Variants in PHLPP1 observed in about 807,000 individuals in gnomAD.
PHLPP1 encodes the protein PH domain leucine-rich repeat-containing protein phosphatase 1.
PHLPP1 carries 42 observed loss-of-function variants against 117.2 expected under a neutral mutation model. The observed-to-expected ratio is 0.36, with a 90% confidence interval of 0.28 to 0.46. The LOEUF is 0.46. Among genes scored for constraint, PHLPP1 ranks in the 20% least tolerant of loss-of-function variants. The pLI is 1.00. For synonymous variants in PHLPP1, 1,042 were observed against 970.7 expected (o/e 1.07, Z -1.37); for missense variants, 2,084 against 2,241.9 (o/e 0.93, Z 1.42).
chr18:62,742,496 C>T (rs766938897), intron 1 of PHLPP1, among the ~76,000 whole-genome samples: 4 of 151,906 alleles, frequency 2.6e-5, no homozygotes, highest in South Asian at 2.1e-4. Flanking sequence ...GCCTGAGTGG[C>T]GCTATCTTGG....
chr18:62,822,728 G>A (rs754277915), intron 1 of PHLPP1, among the ~76,000 whole-genome samples: 23 of 152,298 alleles, frequency 1.5e-4, no homozygotes, highest in Admixed American at 5.9e-4. Flanking sequence ...GATTGTAACT[G>A]TGCTTTTTTA....
chr18:62,715,687 G>A lies in PHLPP1; in HGVS notation c.4G>A (p.Glu2Lys). Residue 2 changes from glutamate (E) to lysine (K), a missense_variant, in exon 1 of 17, where the codon GAG (glutamate) becomes AAG (lysine). Glu to Lys is a moderately conservative substitution (Grantham distance 56). Coordinates refer to ENST00000262719, the MANE Select transcript of PHLPP1 (RefSeq NM_194449.4). ...GGAAACGCGAAGCCCCACTGCAATG[G>A]AGCCCGCCGCCGCGGCCACGGTACA... is the stretch of plus-strand genomic sequence containing the variant. Reference protein sequence around the residue: MEPAAAATVQRL... With the variant: MKPAAAATVQRL... 7.7e-7 allele frequency: 1 copy of A among 1,290,730 alleles called. No individual in the cohort carries two copies. The highest frequency in any genetic ancestry group is 9.8e-7 in the Non-Finnish European group (1 of 1,016,762). The allele number at this position is 1,290,730 out of a possible 1,614,324, so 80.0% of individuals were successfully genotyped here.
intron 1 of PHLPP1, among the ~76,000 whole-genome samples, chr18:62,772,950 C>T (rs900814686): frequency 1.3e-5 from 2 of 151,292 alleles, no homozygotes; most frequent in East Asian, 3.9e-4. Flanking sequence ...AAAAGAATTC[C>T]TCTCCCACCC....
Position 62,944,990 on chromosome 18 carries a change from T to C in PHLPP1, c.3162-119T>C, listed in dbSNP as rs1910235849. 7 of 712,102 alleles carry C rather than the reference T, an allele frequency of 9.8e-6. No homozygotes were observed. In the East Asian group the frequency reaches 2.2e-4, roughly 22 times the overall value. 44.1% of individuals were successfully genotyped at this position (712,102 alleles called of 1,614,324 possible). On this transcript the variant is annotated intron_variant, in intron 11 of 16. Coordinates refer to ENST00000262719, the MANE Select transcript of PHLPP1 (RefSeq NM_194449.4). ...CTCCAAAATGATAGTGAAAAAATGG[T>C]CTTGTTTGTAAAAATGACTGTTACA...
At chr18:62,946,138 G>A (rs1444582626) in intron 12 of PHLPP1, among the ~76,000 whole-genome samples, 2 of 152,186 alleles carry the variant, frequency 1.3e-5, no homozygotes, top group African/African-American at 4.8e-5. Flanking sequence ...TCTCCTAACA[G>A]GGAACAAGAG....
chr18:62,975,656 T>A, intron 16 of PHLPP1, 31 bp downstream of exon 16: 1 of 1,459,074 alleles, frequency 6.9e-7, no homozygotes, highest in Non-Finnish European at 9.6e-7. Context: ...CCCAGGATGG[T>A]GGAGAGGAGA....
At chr18:62,938,994 C>CTTTCTTTCTTTTTT (rs368316862) in intron 10 of PHLPP1, among the ~76,000 whole-genome samples, 3 of 128,680 alleles carry the variant, frequency 2.3e-5, no homozygotes, top group Non-Finnish European at 4.8e-5. Context: ...TTCTTTCTTT[C>CTTTCTTTCTTTTTT]TTTTTTTTTT....
intron 1 of PHLPP1, among the ~76,000 whole-genome samples, chr18:62,729,763 A>G (rs1186319010): frequency 2.0e-5 from 3 of 152,164 alleles, no homozygotes; most frequent in East Asian, 1.9e-4. Flanking sequence ...GACAAACCAG[A>G]TGTTATTTTT....
Position 62,716,569 on chromosome 18 carries a change from C to T in PHLPP1, c.886C>T (p.Arg296Cys). ...SAPGAFGGPP[R>C]APPADLPLPV... The stretch of plus-strand genomic sequence containing the variant: ...GCCGGGTGCCTTCGGGGGGCCTCCG[C>T]GCGCGCCCCCCGCCGACCTACCCCT... The change falls in exon 1 of 17, where the codon CGC becomes TGC. Residue 296 changes from arginine (R) to cysteine (C), a missense_variant. Coordinates refer to ENST00000262719, the MANE Select transcript of PHLPP1 (RefSeq NM_194449.4). This position sits in a 1 kb window ranked among gnomAD's most constrained non-coding sequence, Gnocchi z 5.7. The T allele has an allele frequency of 2.5e-6, 3 of 1,200,978 alleles. No individual in the cohort carries two copies. The highest frequency in any genetic ancestry group is 8.3e-5 in the South Asian group (2 of 24,202). The allele number at this position is 1,200,978 out of a possible 1,614,324, so 74.4% of individuals were successfully genotyped here. A position where few individuals can be genotyped will look rare whatever the true frequency, so the allele number is the denominator to read the frequency against.
At chr18:62,841,363 C>T (rs538739709) in intron 3 of PHLPP1, among the ~76,000 whole-genome samples, 4 of 127,450 alleles carry the variant, frequency 3.1e-5, no homozygotes, top group Admixed American at 8.5e-5. Flanking sequence ...GATGGAGTCT[C>T]GCTCTGTCGC....
chr18:62,838,943 C>T (rs1369116117), intron 3 of PHLPP1, 34 bp downstream of exon 3: 6 of 1,610,908 alleles, frequency 3.7e-6, no homozygotes, highest in Non-Finnish European at 3.4e-6. Flanking sequence ...ATCCACTCAG[C>T]TTCTAGCTGG....
chr18:62,945,437 C>T lies in PHLPP1; in HGVS notation c.3324+166C>T, dbSNP rs147456170. ...TAACCAATGGGCTACACCGTTGAGT[C>T]GGCAGAGTTAAAAAACAAAGCAAAA... On this transcript the variant is annotated intron_variant, in intron 12 of 16. Transcript: ENST00000262719. Among the ~76,000 whole-genome samples, 88 of 152,320 alleles carry T rather than the reference C, an allele frequency of 5.8e-4. 1 individual carries two copies. The East Asian group carries it at 0.017, about 29-fold the overall frequency.
At chr18:62,799,039 GA>G (rs1280086021) in intron 1 of PHLPP1, among the ~76,000 whole-genome samples, 1 of 152,256 alleles carries the variant, frequency 6.6e-6, no homozygotes, top group African/African-American at 2.4e-5. Context: ...TGACTTATTT[GA>G]ATTTCCCATC....
intron 13 of PHLPP1, among the ~76,000 whole-genome samples, chr18:62,962,604 T>G (rs1056628360): frequency 6.6e-6 from 1 of 152,202 alleles, no homozygotes. Context: ...CCACCGCGCC[T>G]GGCAAGGCTG....
At chr18:62,888,325 G>A (rs1456853450) in intron 4 of PHLPP1, among the ~76,000 whole-genome samples, 1 of 144,574 alleles carries the variant, frequency 6.9e-6, no homozygotes, top group African/African-American at 2.5e-5. Flanking sequence ...GTGTGTGTGT[G>A]TGTGTGTGTA....
At chr18:62,755,543 T>C (rs141535775) in intron 1 of PHLPP1, among the ~76,000 whole-genome samples, 54 of 152,258 alleles carry the variant, frequency 3.5e-4, no homozygotes, top group African/African-American at 9.9e-4. Flanking sequence ...AGTGCCCTTA[T>C]AAAAGACGCC....
At chr18:62,831,343 T>TTTTTC (rs1491308410) in intron 2 of PHLPP1, among the ~76,000 whole-genome samples, 9 of 94,364 alleles carry the variant, frequency 9.5e-5, no homozygotes, top group African/African-American at 6.4e-4. Context: ...TTTCTTTTTC[T>TTTTTC]TTTTTTTTTT....
chr18:62,752,686 G>A (rs1162185281), intron 1 of PHLPP1, among the ~76,000 whole-genome samples: 2 of 152,122 alleles, frequency 1.3e-5, no homozygotes, highest in African/African-American at 2.4e-5. Context: ...ATCTTGTTGC[G>A]TTTTGTTTGC....
chr18:62,740,753 C>T (rs905412056), intron 1 of PHLPP1, among the ~76,000 whole-genome samples: 2 of 152,154 alleles, frequency 1.3e-5, no homozygotes, highest in Admixed American at 1.3e-4. Context: ...CAGGGGATCA[C>T]CTGAGGTCAG....
Sources: gnomAD v4.1 joint callset for allele counts (sites outside exome capture counted in the v4.1 genomes callset) on GRCh38, gnomAD v4.1.1 for gene constraint, Gnocchi (gnomAD v3.1) non-coding constraint, MANE v1.5 for transcripts, NCBI Gene and HGNC (gene_info 2026-07-23, HGNC 2026-07-21) for gene names.